Variants in SPATS2L observed in about 807,000 individuals in gnomAD.
SPATS2L encodes the protein SPATS2-like protein.
Under a neutral mutation model 59.6 loss-of-function variants are expected in SPATS2L, and 30 were observed. That is an observed-to-expected ratio of 0.50 (90% CI 0.38 to 0.68). The LOEUF is 0.68. Ranked by LOEUF, SPATS2L falls within the 30% of genes least tolerant of loss-of-function variation. The pLI is 0.00. For synonymous variants in SPATS2L, 252 were observed against 263.5 expected, an observed-to-expected ratio of 0.96 and a Z score of 0.42; for missense variants, 615 against 700.0, an observed-to-expected ratio of 0.88 and a Z score of 1.37.
rs141811701 is a variant in SPATS2L, at chr2:200,457,087, T to C, written c.789-2682T>C. 6.4e-3 allele frequency among the ~76,000 whole-genome samples: 976 copies of C among 152,264 alleles called. 7 individuals are homozygous for C. Among genetic ancestry groups the C allele is most frequent in the Admixed American group, 0.015 (231 of 15,272 alleles). On this transcript the variant is annotated intron_variant, in intron 8 of 12. Transcript: ENST00000409140. Reference sequence around the variant, plus strand: ...GCAGAGTAGCTTAACCATATATTTGTAGTTTGGGCTTCTGGCTCCACATCT... The same window carrying C: ...GCAGAGTAGCTTAACCATATATTTGCAGTTTGGGCTTCTGGCTCCACATCT...
At chr2:200,357,510 G>C (rs1003115762) in intron 2 of SPATS2L, among the ~76,000 whole-genome samples, 3 of 152,210 alleles carry the variant, frequency 2.0e-5, no homozygotes, top group African/African-American at 7.2e-5. Context: ...AAAATGTAGA[G>C]AGGGGGAAAA....
intron 2 of SPATS2L, among the ~76,000 whole-genome samples, chr2:200,346,334 T>G (rs1401434378): frequency 6.6e-6 from 1 of 152,158 alleles, no homozygotes; most frequent in Admixed American, 6.5e-5. Flanking sequence ...GATGACCTAG[T>G]TTTTTTAGGT....
intron 2 of SPATS2L, among the ~76,000 whole-genome samples, chr2:200,371,136 A>C (rs1202245082): frequency 6.6e-6 from 1 of 152,220 alleles, no homozygotes; most frequent in Non-Finnish European, 1.5e-5. Flanking sequence ...GGCTGCATTT[A>C]AAAATGAATA....
intron 2 of SPATS2L, among the ~76,000 whole-genome samples, chr2:200,384,227 T>G (rs2081917687): frequency 6.6e-6 from 1 of 152,228 alleles, no homozygotes. Context: ...AGCTAATAGA[T>G]TTTCTGGCTA....
chr2:200,385,327 A>G (rs758158311), intron 2 of SPATS2L, among the ~76,000 whole-genome samples: 15 of 152,250 alleles, frequency 9.9e-5, no homozygotes, highest in Non-Finnish European at 1.8e-4. Flanking sequence ...TGGGCCTGTC[A>G]TGTGAAATCA....
chr2:200,467,833 G>T (rs1479499546), intron 10 of SPATS2L, among the ~76,000 whole-genome samples: 1 of 152,138 alleles, frequency 6.6e-6, no homozygotes, highest in African/African-American at 2.4e-5. Flanking sequence ...TTTCTTTCCT[G>T]TATTATTTTC....
At chr2:200,307,538 G>A (rs2079064442) in intron 1 of SPATS2L, among the ~76,000 whole-genome samples, 1 of 152,160 alleles carries the variant, frequency 6.6e-6, no homozygotes, top group Non-Finnish European at 1.5e-5. Context: ...GAGCGCCCTG[G>A]CCGCGGGACG....
chr2:200,378,242 A>G (rs2081668074), intron 2 of SPATS2L: 1 of 1,002,424 alleles, frequency 1.0e-6, no homozygotes, highest in South Asian at 4.7e-5. Flanking sequence ...GAGATGACTT[A>G]CTGGTCACAG....
intron 2 of SPATS2L, among the ~76,000 whole-genome samples, chr2:200,365,234 G>A (rs2105879476): frequency 6.6e-6 from 1 of 152,362 alleles, no homozygotes; most frequent in Non-Finnish European, 1.5e-5. Flanking sequence ...CAAAATCACT[G>A]CGAAATACAT....
rs137995639 is a variant in SPATS2L, at chr2:200,424,659, G to A, written c.445+5163G>A. ...TGAGGCTCATAAGCTAAAATGTATA[G>A]CATTTACTTGTCTCCACTTAGGCCA... On this transcript the variant is annotated intron_variant, in intron 6 of 12. Coordinates refer to ENST00000409140, the MANE Select transcript of SPATS2L (RefSeq NM_001100423.2). Among the ~76,000 whole-genome samples the A allele has an allele frequency of 4.0e-3, 615 of 152,168 alleles. 8 individuals carry two copies. Among genetic ancestry groups the A allele is most frequent in the Non-Finnish European group, 2.3e-3 (159 of 68,030 alleles).
chr2:200,316,371 A>C (rs2079378923), intron 1 of SPATS2L, among the ~76,000 whole-genome samples: 1 of 152,176 alleles, frequency 6.6e-6, no homozygotes, highest in Non-Finnish European at 1.5e-5. Context: ...GTTAGGGGCA[A>C]AGGTTCTTGT....
chr2:200,442,970 C>T (rs2084795056), intron 8 of SPATS2L, among the ~76,000 whole-genome samples: 1 of 152,124 alleles, frequency 6.6e-6, no homozygotes. Flanking sequence ...TTCTGCAAAC[C>T]AAAGAAGACA....
At chr2:200,310,266 G>A (rs1177184833) in intron 1 of SPATS2L, among the ~76,000 whole-genome samples, 1 of 152,116 alleles carries the variant, frequency 6.6e-6, no homozygotes, top group African/African-American at 2.4e-5. Context: ...GATCCGTTTA[G>A]CATTCTCTTC....
In SPATS2L at chr2:200,399,471, C is replaced by T. The variant is rs563273919; in HGVS notation, c.39+10188C>T. Among the ~76,000 whole-genome samples, 48 of 152,250 alleles carry T rather than the reference C, an allele frequency of 3.2e-4. No homozygotes were observed. The South Asian group carries it at 8.3e-3, about 26-fold the overall frequency. On this transcript the variant is annotated intron_variant, in intron 3 of 12. Coordinates refer to ENST00000409140, the MANE Select transcript of SPATS2L (RefSeq NM_001100423.2). Reference sequence around the variant, plus strand: ...CCACATTCTTTATCCACTCATCTTCCGATGGACAATTGTAGTTTTTAAAAT... The same window carrying T: ...CCACATTCTTTATCCACTCATCTTCTGATGGACAATTGTAGTTTTTAAAAT...
At chr2:200,388,909 C>T (rs973559535) in intron 2 of SPATS2L, among the ~76,000 whole-genome samples, 1 of 152,056 alleles carries the variant, frequency 6.6e-6, no homozygotes, top group African/African-American at 2.4e-5. Context: ...GTACGGTTTC[C>T]CTTCTCTCTA....
intron 12 of SPATS2L, among the ~76,000 whole-genome samples, chr2:200,473,824 ACCC>A (rs2087272578): frequency 6.6e-6 from 1 of 152,032 alleles, no homozygotes; most frequent in Non-Finnish European, 1.5e-5. Flanking sequence ...ACATGGTGAA[ACCC>A]TGTCTCTACT....
intron 1 of SPATS2L, among the ~76,000 whole-genome samples, chr2:200,327,042 C>T (rs1288982602): frequency 8.6e-5 from 13 of 151,392 alleles, no homozygotes; most frequent in South Asian, 2.1e-4. Context: ...TCACCATGTC[C>T]GGCCCTGTTT....
intron 3 of SPATS2L, among the ~76,000 whole-genome samples, chr2:200,392,394 T>G (rs1574370549): frequency 6.6e-6 from 1 of 152,174 alleles, no homozygotes; most frequent in Non-Finnish European, 1.5e-5. Flanking sequence ...GCATGTTAGC[T>G]TTGAACCCCT....
At chr2:200,331,080 G>A (rs2079927684) in intron 2 of SPATS2L, among the ~76,000 whole-genome samples, 1 of 152,138 alleles carries the variant, frequency 6.6e-6, no homozygotes, top group Non-Finnish European at 1.5e-5. Flanking sequence ...TTCCCCCTCA[G>A]CATAATCCTA....
Sources: gnomAD v4.1 joint callset for allele counts (sites outside exome capture counted in the v4.1 genomes callset) on GRCh38, gnomAD v4.1.1 for gene constraint, MANE v1.5 for transcripts, NCBI Gene and HGNC (gene_info 2026-07-23, HGNC 2026-07-21) for gene names.